Variants in DENND1B observed in about 807,000 individuals in gnomAD.
DENND1B encodes the protein DENN domain containing 1B.
In DENND1B, 59 loss-of-function variants were observed where a neutral mutation model predicts 90.1. That is an observed-to-expected ratio of 0.65 (90% confidence interval 0.53 to 0.81). The LOEUF (loss-of-function observed/expected upper bound fraction) is 0.81. Among genes scored for constraint, DENND1B ranks in the 40% least tolerant of loss-of-function variants. The pLI is 0.00. For synonymous variants in DENND1B, 337 were observed against 324.6 expected, an observed-to-expected ratio of 1.04 and a Z score of -0.41; for missense variants, 862 against 912.6, an observed-to-expected ratio of 0.94 and a Z score of 0.71.
chr1:197,695,306 T>C (rs1230458345), intron 3 of DENND1B, among the ~76,000 whole-genome samples: 2 of 151,082 alleles, frequency 1.3e-5, no homozygotes, highest in East Asian at 3.9e-4. Context: ...ATACCAATAG[T>C]ATATTGGTAT....
intron 10 of DENND1B, among the ~76,000 whole-genome samples, chr1:197,639,309 T>C (rs1417214743): frequency 9.2e-5 from 14 of 151,968 alleles, no homozygotes; most frequent in Non-Finnish European, 5.9e-5. Flanking sequence ...GGTGATCTGC[T>C]CACCTCGGCC....
chr1:197,656,071 G>A (rs553277531), intron 6 of DENND1B, among the ~76,000 whole-genome samples: 3 of 152,184 alleles, frequency 2.0e-5, no homozygotes, highest in African/African-American at 7.2e-5. Context: ...AGAAAAAGAG[G>A]AGACTATGAA....
chr1:197,713,811 TTATATATAA>T lies in DENND1B; in HGVS notation c.126+1211_126+1219del, dbSNP rs1660253522. Among the ~76,000 whole-genome samples, 2 of 56,120 alleles carry T rather than the reference TTATATATAA, an allele frequency of 3.6e-5. 1 individual carries two copies. Among genetic ancestry groups the T allele is most frequent in the Admixed American group, 6.5e-4 (2 of 3,076 alleles). The allele number at this position is 56,120 out of a possible 152,430, so 36.8% of individuals were successfully genotyped here. On this transcript the variant is annotated intron_variant, in intron 3 of 22. Transcript: ENST00000620048. ...TATAATATTATTATATTATAATATA[TTATATATAA>T]TATATTATATATAATATATTATATT...
In DENND1B at chr1:197,552,532, G is replaced by A. The variant is rs192194965; in HGVS notation, c.1240+490C>T. On this transcript the variant is annotated intron_variant, in intron 16 of 22. Transcript: ENST00000620048. ...CTGGAAACTTTCTTAATGCTGCAGT[G>A]ATCTATAAAGTCAAAAAGGTAAAGA... The A allele has an allele frequency of 2.3e-3, 2,314 of 985,596 alleles. 18 individuals are homozygous for A. The highest frequency in any genetic ancestry group is 0.014 in the Middle Eastern group (26 of 1,916). 61.1% of individuals were successfully genotyped at this position (985,596 alleles called of 1,614,324 possible).
At chr1:197,611,523 G>A (rs576422661) in intron 12 of DENND1B, among the ~76,000 whole-genome samples, 293 of 150,620 alleles carry the variant, frequency 1.9e-3, no homozygotes, top group Non-Finnish European at 3.1e-3. Context: ...TGATAAATGG[G>A]AACATAATGA....
intron 15 of DENND1B, among the ~76,000 whole-genome samples, chr1:197,563,584 A>C (rs1479102424): frequency 3.3e-5 from 5 of 151,960 alleles, no homozygotes; most frequent in Non-Finnish European, 7.4e-5. Context: ...CCACCCAAGA[A>C]ACTCTAATGA....
At chr1:197,576,698 A>C (rs939880384) in intron 15 of DENND1B, among the ~76,000 whole-genome samples, 1 of 152,124 alleles carries the variant, frequency 6.6e-6, no homozygotes, top group East Asian at 1.9e-4. Flanking sequence ...ATACTCTTTA[A>C]AAATATGTAT....
chr1:197,585,484 G>A (rs1307433005), intron 14 of DENND1B, among the ~76,000 whole-genome samples: 2 of 152,196 alleles, frequency 1.3e-5, no homozygotes, highest in Non-Finnish European at 1.5e-5. Context: ...GTTGGGCATA[G>A]TTTAATCATT....
At chr1:197,720,533 A>G (rs1300279615) in intron 2 of DENND1B, among the ~76,000 whole-genome samples, 2 of 151,104 alleles carry the variant, frequency 1.3e-5, no homozygotes, top group African/African-American at 2.4e-5. Flanking sequence ...GAGCCAACAT[A>G]CTCAGACTTA....
chr1:197,610,455 C>CAA lies in DENND1B; in HGVS notation c.819+1474_819+1475dup, dbSNP rs56811864. ...TAAAAGTTGATGTAGAATCATTATG[C>CAA]AAAAAAAAAATTAACATCAACAGGT... On this transcript the variant is annotated intron_variant, in intron 12 of 22. Transcript: ENST00000620048. Among the ~76,000 whole-genome samples, 53 of 147,658 alleles carry CAA rather than the reference C, an allele frequency of 3.6e-4. 1 individual carries two copies. Among genetic ancestry groups the CAA allele is most frequent in the Middle Eastern group, 8.5e-3 (2 of 236 alleles).
intron 15 of DENND1B, among the ~76,000 whole-genome samples, chr1:197,579,864 C>A (rs1674041321): frequency 1.3e-5 from 2 of 151,958 alleles, no homozygotes; most frequent in South Asian, 4.1e-4. Context: ...TATTTGCTAC[C>A]TTTTTGAAAT....
At chr1:197,543,041 T>G (rs1190945664) in intron 18 of DENND1B, among the ~76,000 whole-genome samples, 3 of 152,018 alleles carry the variant, frequency 2.0e-5, no homozygotes, top group Non-Finnish European at 4.4e-5. Flanking sequence ...CTCCAGCAAT[T>G]CTCCTGCCTC....
At chr1:197,511,696 C>A in intron 22 of DENND1B, 32 bp downstream of exon 22, 2 of 1,521,278 alleles carry the variant, frequency 1.3e-6, no homozygotes, top group South Asian at 1.3e-5. Context: ...ATATTTTCTT[C>A]TAATTTTATA....
chr1:197,682,951 A>G (rs535474782), intron 3 of DENND1B, among the ~76,000 whole-genome samples: 2 of 152,336 alleles, frequency 1.3e-5, no homozygotes, highest in African/African-American at 4.8e-5. Context: ...TCTTCTCATT[A>G]TAATTATCAG....
chr1:197,536,823 TGACATCAGCA>T (rs1669941548), intron 20 of DENND1B, among the ~76,000 whole-genome samples: 1 of 151,992 alleles, frequency 6.6e-6, no homozygotes, highest in Non-Finnish European at 1.5e-5. Flanking sequence ...GGGCAGATCA[TGACATCAGCA>T]GATCGAGACC....
intron 3 of DENND1B, among the ~76,000 whole-genome samples, chr1:197,704,190 G>C (rs1170312554): frequency 2.0e-5 from 3 of 152,140 alleles, no homozygotes; most frequent in African/African-American, 7.2e-5. Context: ...GATCGCTTCA[G>C]TCTGGGAGCC....
At chr1:197,694,024 C>T (rs1042432841) in intron 3 of DENND1B, among the ~76,000 whole-genome samples, 1 of 151,354 alleles carries the variant, frequency 6.6e-6, no homozygotes, top group Non-Finnish European at 1.5e-5. Context: ...ACTTCTTATC[C>T]TAAAGTGTAT....
intron 16 of DENND1B, among the ~76,000 whole-genome samples, chr1:197,547,288 C>A (rs1670883610): frequency 6.6e-6 from 1 of 151,376 alleles, no homozygotes; most frequent in African/African-American, 2.4e-5. Context: ...TTTTAAAGTC[C>A]CAGTGGCTAC....
At chr1:197,582,231 T>C (rs1674306115) in intron 15 of DENND1B, among the ~76,000 whole-genome samples, 1 of 152,168 alleles carries the variant, frequency 6.6e-6, no homozygotes, top group African/African-American at 2.4e-5. Flanking sequence ...TCCTCAGAAG[T>C]AGTAGCATTA....
Sources: gnomAD v4.1 joint callset for allele counts (sites outside exome capture counted in the v4.1 genomes callset) on GRCh38, gnomAD v4.1.1 for gene constraint, MANE v1.5 for transcripts, NCBI Gene and HGNC (gene_info 2026-07-23, HGNC 2026-07-21) for gene names.